MYLK: variants seen among roughly 807,000 people sequenced by gnomAD.
The protein encoded by MYLK is myosin light chain kinase, smooth muscle.
Under a neutral mutation model 203.4 loss-of-function variants are expected in MYLK, and 106 were observed. The ratio of observed to expected loss-of-function variants is 0.52; its 90% CI spans 0.45 to 0.61. MYLK has a LOEUF of 0.61. Among genes scored for constraint, MYLK ranks in the 20% least tolerant of loss-of-function variants. MYLK has a pLI of 0.00. For missense variants in MYLK, 2,072 were observed against 2,442.3 expected (o/e 0.85, Z 3.20); for synonymous variants, 867 against 959.5 (o/e 0.90, Z 1.78).
At chr3:123,837,061 C>T (rs1044806648) in intron 2 of MYLK, among the ~76,000 whole-genome samples, 18 of 151,958 alleles carry the variant, frequency 1.2e-4, no homozygotes, top group African/African-American at 2.4e-4. Flanking sequence ...TTTTTTGAGA[C>T]GGAGTTTCGC....
At chr3:123,683,742 A>C (rs1165570319) in intron 19 of MYLK, among the ~76,000 whole-genome samples, 1 of 152,156 alleles carries the variant, frequency 6.6e-6, no homozygotes, top group Non-Finnish European at 1.5e-5. Context: ...CCCCCACCAA[A>C]GACAGCCGAA....
chr3:123,779,301 G>A (rs7647667), intron 4 of MYLK, among the ~76,000 whole-genome samples: 2 of 152,228 alleles, frequency 1.3e-5, no homozygotes, highest in Non-Finnish European at 2.9e-5. Context: ...GGCAGGCCCA[G>A]CATGACAGGC....
intron 3 of MYLK, among the ~76,000 whole-genome samples, chr3:123,821,078 C>T (rs954170673): frequency 6.6e-6 from 1 of 152,146 alleles, no homozygotes; most frequent in African/African-American, 2.4e-5. Context: ...TATAATTACC[C>T]TCCCTCCCCA....
chr3:123,733,795 T>C lies in MYLK; in HGVS notation c.1201A>G (p.Arg401Gly), dbSNP rs1560147363. Residue 401 changes from arginine (R) to glycine (G), a missense_variant, in exon 10 of 34, where the codon AGG becomes GGG. Transcript: ENST00000360304. The stretch of plus-strand genomic sequence containing the variant: ...CTCTGGCCCTCCATGGGGATTCTCC[T>C]GTTAGCAGCCTTGCTCACAACATCT... ...SQDVVSKAANRRIPMEGQRDS... is the reference protein window; with the variant it reads ...SQDVVSKAANGRIPMEGQRDS... 6.2e-7 allele frequency: 1 copy of C among 1,614,238 alleles called. No individual in the cohort carries two copies. The highest frequency in any genetic ancestry group is 1.7e-5 in the Admixed American group (1 of 60,034).
At chr3:123,842,897 A>T (rs1418595128) in intron 2 of MYLK, among the ~76,000 whole-genome samples, 2 of 152,262 alleles carry the variant, frequency 1.3e-5, no homozygotes, top group African/African-American at 4.8e-5. Flanking sequence ...AAGTGCCCTA[A>T]GGCAAGACTA....
chr3:123,766,900 G>A (rs1476268050), intron 4 of MYLK, among the ~76,000 whole-genome samples: 1 of 152,208 alleles, frequency 6.6e-6, no homozygotes, highest in South Asian at 2.1e-4. Flanking sequence ...CCTTGCCTGC[G>A]GTTGTTCTCT....
intron 20 of MYLK, among the ~76,000 whole-genome samples, chr3:123,677,884 A>AATATATATATATATCTATAT (rs2060121496): frequency 1.9e-5 from 1 of 53,566 alleles, no homozygotes; most frequent in Non-Finnish European, 3.2e-5. Context: ...TAAATAAATG[A>AATATATATATATATCTATAT]ATATATATAT....
At chr3:123,678,586 C>G (rs577342528) in intron 20 of MYLK, among the ~76,000 whole-genome samples, 15 of 152,098 alleles carry the variant, frequency 9.9e-5, no homozygotes, top group African/African-American at 3.4e-4. Context: ...AGGCTCACCT[C>G]AGGAAAGATG....
At chr3:123,852,204 C>G (rs2030887610) in intron 2 of MYLK, among the ~76,000 whole-genome samples, 2 of 152,154 alleles carry the variant, frequency 1.3e-5, no homozygotes, top group Admixed American at 1.3e-4. Context: ...GTCTAAAATT[C>G]TCTTTTTTGT....
intron 19 of MYLK, chr3:123,691,407 T>C (rs1162563763): frequency 6.6e-6 from 1 of 152,194 alleles, no homozygotes; most frequent in African/African-American, 2.4e-5. Flanking sequence ...TCCGCTTCCT[T>C]AGACTCAGAG....
intron 13 of MYLK, among the ~76,000 whole-genome samples, chr3:123,716,644 C>T (rs939564740): frequency 5.3e-5 from 8 of 152,182 alleles, no homozygotes; most frequent in African/African-American, 1.9e-4. Flanking sequence ...ACCCACTGTT[C>T]CCTCCCAGTG....
chr3:123,745,593 C>T (rs1301418621), intron 5 of MYLK, among the ~76,000 whole-genome samples: 1 of 152,086 alleles, frequency 6.6e-6, no homozygotes, highest in Admixed American at 6.5e-5. Flanking sequence ...GAAGCTCTGA[C>T]CAGTGCTTAT....
chr3:123,770,156 CAAAA>C (rs59411359), intron 4 of MYLK, among the ~76,000 whole-genome samples: 12 of 83,948 alleles, frequency 1.4e-4, no homozygotes, highest in Admixed American at 1.4e-3. Flanking sequence ...ACTAAAAATA[CAAAA>C]AAAAAAAAAA....
At position 123,638,584 on chromosome 3, in the gene MYLK, C is replaced by T. The variant is rs190771829; in HGVS notation, c.4838-390G>A. 77 of 216,788 alleles carry T rather than the reference C, an allele frequency of 3.6e-4. 1 individual carries two copies. In the East Asian group the frequency reaches 0.013, roughly 37 times the overall value. 13.4% of individuals were successfully genotyped at this position (216,788 alleles called of 1,614,324 possible). ...CCCCACCGGCAGCTTTACAAGGGTT[C>T]TCACCCACCCCAAGGGGTAGGTATA... On this transcript the variant is annotated intron_variant, in intron 28 of 33. Transcript: ENST00000360304.
At position 123,647,207 on chromosome 3, in the gene MYLK, G is replaced by C; in HGVS notation, c.4619+17C>G. The stretch of plus-strand genomic sequence containing the variant: ...GGCTCCCTGTGGTGCCCACGCTGCT[G>C]GCAGTGGGCCACTCACATCTCCAGG... On this transcript the variant is annotated intron_variant, in intron 27 of 33. Transcript: ENST00000360304. 2 of 1,612,214 alleles carry C rather than the reference G, an allele frequency of 1.2e-6. No homozygotes were observed. The highest frequency in any genetic ancestry group is 1.7e-4 in the Middle Eastern group (1 of 5,798).
chr3:123,727,796 GA>G (rs2062340814), intron 11 of MYLK, among the ~76,000 whole-genome samples: 1 of 152,180 alleles, frequency 6.6e-6, no homozygotes, highest in African/African-American at 2.4e-5. Flanking sequence ...AAGGGAAGGG[GA>G]AAGATTGAAG....
intron 12 of MYLK, among the ~76,000 whole-genome samples, chr3:123,722,820 C>T (rs751063213): frequency 4.6e-5 from 7 of 152,222 alleles, no homozygotes; most frequent in Non-Finnish European, 1.5e-5. Flanking sequence ...GCATCCCCCA[C>T]CCACTGTTGC....
chr3:123,856,415 T>C (rs958299739), intron 2 of MYLK, among the ~76,000 whole-genome samples: 5 of 152,360 alleles, frequency 3.3e-5, no homozygotes, highest in African/African-American at 9.6e-5. Flanking sequence ...TTATTTCACA[T>C]GTGTGCTTCT....
chr3:123,651,723 C>T (rs189433997), intron 24 of MYLK, among the ~76,000 whole-genome samples: 13 of 152,320 alleles, frequency 8.5e-5, no homozygotes, highest in African/African-American at 2.9e-4. Context: ...AGTCCTAGAG[C>T]TGGCCCCTGC....
Sources: allele counts gnomAD v4.1 joint callset (sites outside exome capture counted in the v4.1 genomes callset), GRCh38; gene constraint gnomAD v4.1.1; transcripts MANE v1.5; gene names NCBI Gene and HGNC (gene_info 2026-07-23, HGNC 2026-07-21).